NLRP5: variants seen among roughly 807,000 people sequenced by gnomAD.
NLRP5 encodes the protein NACHT, LRR and PYD domains-containing protein 5.
Under a neutral mutation model 113.1 loss-of-function variants are expected in NLRP5, and 93 were observed. That is an observed-to-expected ratio of 0.82 (90% CI 0.70 to 0.98). NLRP5 has a LOEUF of 0.98. NLRP5 is among the 50% of genes least tolerant of loss of function. The probability of loss-of-function intolerance (pLI) is 0.00; values close to 1 mark genes in which losing one functional copy is unlikely to be tolerated. For synonymous variants in NLRP5, 751 were observed against 600.7 expected, an observed-to-expected ratio of 1.25 and a Z score of -3.66; for missense variants, 1,808 against 1,514.3, an observed-to-expected ratio of 1.19 and a Z score of -3.22.
At chr19:56,019,537 C>G (rs1416003293) in intron 5 of NLRP5, 139 bp downstream of exon 5, 5 of 903,026 alleles carry the variant, frequency 5.5e-6, no homozygotes, top group South Asian at 3.3e-5. Flanking sequence ...TCAACCCCTT[C>G]CCTTCAAGCT....
chr19:56,046,546 G>GC (rs904568912), intron 11 of NLRP5, among the ~76,000 whole-genome samples: 4 of 148,558 alleles, frequency 2.7e-5, no homozygotes, highest in Admixed American at 2.7e-4. Context: ...ACCACTTCTT[G>GC]TTTTTTTTTT....
chr19:56,058,936 C>T lies in NLRP5; in HGVS notation c.3470+526C>T, dbSNP rs189224335. Among the ~76,000 whole-genome samples, 37 of 152,186 alleles carry T rather than the reference C, an allele frequency of 2.4e-4. 1 individual carries two copies. In the East Asian group the frequency reaches 4.1e-3, roughly 17 times the overall value. ...GCTACATGATGGAATCTTGACATGCCGAGTGGAATAAGCCAGTCCTAAAAA... is the reference window on the plus strand; with the variant it reads ...GCTACATGATGGAATCTTGACATGCTGAGTGGAATAAGCCAGTCCTAAAAA... On this transcript the variant is annotated intron_variant, in intron 14 of 14. Coordinates refer to ENST00000390649, the MANE Select transcript of NLRP5 (RefSeq NM_153447.4).
chr19:56,026,258 G>T (rs962818850), intron 6 of NLRP5, among the ~76,000 whole-genome samples: 1 of 151,988 alleles, frequency 6.6e-6, no homozygotes, highest in Non-Finnish European at 1.5e-5. Flanking sequence ...GCTGGGCGCA[G>T]TGGTTCATGC....
At position 56,036,019 on chromosome 19, in the gene NLRP5, G is replaced by A. The variant is rs374547846; in HGVS notation, c.2616-2006G>A. Among the ~76,000 whole-genome samples the A allele has an allele frequency of 2.7e-5, 4 of 148,794 alleles. 1 individual carries two copies. The highest frequency in any genetic ancestry group is 2.1e-4 in the South Asian group (1 of 4,720). ...TGCTTGATTTTGCATGTAGTACTAC[G>A]ACATGTTCCTGGGACATGCTGATGA... On this transcript the variant is annotated intron_variant, in intron 9 of 14. Transcript: ENST00000390649.
chr19:56,059,528 ATTTAT>A (rs923426649), intron 14 of NLRP5, among the ~76,000 whole-genome samples: 28 of 152,162 alleles, frequency 1.8e-4, no homozygotes, highest in South Asian at 8.3e-4. Context: ...GTTGTGGTAT[ATTTAT>A]TTTATTTTAA....
At chr19:56,036,865 G>A (rs1030708793) in intron 9 of NLRP5, among the ~76,000 whole-genome samples, 9 of 152,170 alleles carry the variant, frequency 5.9e-5, no homozygotes, top group African/African-American at 1.9e-4. Context: ...ACTGAGGCAG[G>A]AGCATCACTT....
chr19:55,989,911 G>A, the NLRP5 span, among the ~76,000 whole-genome samples: 1 of 152,038 alleles, frequency 6.6e-6, no homozygotes, highest in Admixed American at 6.5e-5. Context: ...ACTAATGTAG[G>A]AGCACCTTTT....
In NLRP5 at chr19:56,046,735, G is replaced by A. The variant is rs145406091; in HGVS notation, c.2958-3683G>A. 4.1e-3 allele frequency among the ~76,000 whole-genome samples: 616 copies of A among 151,988 alleles called. 5 individuals carry two copies. Among genetic ancestry groups the A allele is most frequent in the East Asian group, 0.035 (183 of 5,164 alleles). ...TTTTTTTTGTATTTTTAGTAGAGAC[G>A]GGGTTTCACCGTGGTCTCGATCTCC... is the stretch of plus-strand genomic sequence containing the variant. On this transcript the variant is annotated intron_variant, in intron 11 of 14. Transcript: ENST00000390649.
intron 11 of NLRP5, among the ~76,000 whole-genome samples, chr19:56,045,960 T>C (rs1459365176): frequency 2.6e-5 from 4 of 152,194 alleles, no homozygotes; most frequent in Non-Finnish European, 5.9e-5. Flanking sequence ...TCTGGATGTG[T>C]ACATGTGGGT....
chr19:56,020,609 C>G (rs1450222967), intron 6 of NLRP5, among the ~76,000 whole-genome samples, 178 bp downstream of exon 6: 1 of 151,668 alleles, frequency 6.6e-6, no homozygotes, highest in Non-Finnish European at 1.5e-5. Flanking sequence ...TAGAGCTACG[C>G]AAGTTCACTG....
chr19:55,991,538 A>G, the NLRP5 span, among the ~76,000 whole-genome samples: 3 of 152,014 alleles, frequency 2.0e-5, no homozygotes, highest in Non-Finnish European at 4.4e-5. Flanking sequence ...ACAGATAGCC[A>G]CTTTTCTAAA....
intron 5 of NLRP5, 25 bp downstream of exon 5, chr19:56,019,423 G>T (rs763220772): frequency 6.2e-6 from 10 of 1,608,922 alleles, no homozygotes; most frequent in Admixed American, 5.0e-5. Context: ...TGTATTCCTT[G>T]GTTGCCCTCC....
rs1555763764 is a variant in NLRP5 at position 56,005,107 on chromosome 19, A to ATAT, written c.442+1012_442+1013insTAT. Reference sequence around the variant, plus strand: ...AGACTGTGTCTCAAAAAAAAAAAAAAATATATATATATATATATAATATAT... The same window carrying ATAT: ...AGACTGTGTCTCAAAAAAAAAAAAAATATATATATATATATATATATAATATAT... On this transcript the variant is annotated intron_variant, in intron 2 of 14. Transcript: ENST00000390649. 7.1e-4 allele frequency among the ~76,000 whole-genome samples: 68 copies of ATAT among 95,344 alleles called. 1 individual carries two copies. The highest frequency in any genetic ancestry group is 1.8e-3 in the Admixed American group (16 of 9,138). The allele number at this position is 95,344 out of a possible 152,430, so 62.5% of individuals were successfully genotyped here.
intron 14 of NLRP5, among the ~76,000 whole-genome samples, chr19:56,060,838 G>C (rs1461529511): frequency 1.3e-5 from 2 of 152,056 alleles, no homozygotes; most frequent in African/African-American, 4.8e-5. Context: ...GATTTGTCGG[G>C]GGAAAAAAGC....
Position 56,036,537 on chromosome 19 carries a change from G to A in NLRP5, c.2616-1488G>A, listed in dbSNP as rs149930340. Among the ~76,000 whole-genome samples, 710 of 152,340 alleles carry A rather than the reference G, an allele frequency of 4.7e-3. 15 individuals are homozygous for A. Among genetic ancestry groups the A allele is most frequent in the Admixed American group, 0.038 (584 of 15,296 alleles). ...CCAGAGATGTGCTGATGAACAAAAC[G>A]AGATTCCTGCTCTCATGGTGCTCAC... On this transcript the variant is annotated intron_variant, in intron 9 of 14. Coordinates refer to ENST00000390649, the MANE Select transcript of NLRP5 (RefSeq NM_153447.4).
intron 13 of NLRP5, 115 bp from the exon 14 acceptor site, chr19:56,058,125 T>G: frequency 2.6e-6 from 2 of 775,618 alleles, no homozygotes; most frequent in African/African-American, 2.0e-5. Context: ...TTTTGTTTGT[T>G]TTTGTTTTGT....
intron 2 of NLRP5, among the ~76,000 whole-genome samples, chr19:56,008,562 A>G (rs1982041337): frequency 6.6e-6 from 1 of 152,156 alleles, no homozygotes; most frequent in African/African-American, 2.4e-5. Context: ...ATCCAGCAAA[A>G]CGGCCAGAGA....
chr19:56,008,969 A>C, intron 3 of NLRP5, 116 bp downstream of exon 3: 1 of 864,966 alleles, frequency 1.2e-6, no homozygotes, highest in Non-Finnish European at 1.9e-6. Flanking sequence ...TTCTAGTCTA[A>C]CTACCCTACA....
At position 56,010,542 on chromosome 19, in the gene NLRP5, C is replaced by T. The variant is rs551634763; in HGVS notation, c.508+1689C>T. Among the ~76,000 whole-genome samples, 7 of 151,028 alleles carry T rather than the reference C, an allele frequency of 4.6e-5. No homozygotes were observed. The East Asian group carries it at 9.8e-4, about 21-fold the overall frequency. On this transcript the variant is annotated intron_variant, in intron 3 of 14. Coordinates refer to ENST00000390649, the MANE Select transcript of NLRP5 (RefSeq NM_153447.4). The stretch of plus-strand genomic sequence containing the variant: ...GGTGGATCACCTGAGGTCGGGAGTT[C>T]GAGACCAGTCTGACCAACATGGAGA...
Sources: gnomAD v4.1 joint callset for allele counts (sites outside exome capture counted in the v4.1 genomes callset) on GRCh38, gnomAD v4.1.1 for gene constraint, MANE v1.5 for transcripts, NCBI Gene and HGNC (gene_info 2026-07-23, HGNC 2026-07-21) for gene names.